Variants in PNPT1 observed in about 807,000 individuals in gnomAD.
The protein encoded by PNPT1 is polyribonucleotide nucleotidyltransferase 1, mitochondrial.
PNPT1 carries 53 observed loss-of-function variants against 119.5 expected under a neutral mutation model. The ratio of observed to expected loss-of-function variants is 0.44; its 90% confidence interval spans 0.36 to 0.56. The LOEUF is 0.56. Ranked by LOEUF, PNPT1 falls within the 20% of genes least tolerant of loss-of-function variation. PNPT1 has a pLI of 0.00. For missense variants in PNPT1, 948 were observed against 938.5 expected, an observed-to-expected ratio of 1.01 and a Z score of -0.13; for synonymous variants, 357 against 322.1, an observed-to-expected ratio of 1.11 and a Z score of -1.16.
chr2:55,693,086 T>C (rs1340909677), intron 1 of PNPT1, among the ~76,000 whole-genome samples: 36 of 152,224 alleles, frequency 2.4e-4, no homozygotes, highest in Admixed American at 2.4e-3. Context: ...TTACCATCTC[T>C]GCCTTCCTCT....
chr2:55,682,605 A>G (rs924212692), intron 5 of PNPT1, among the ~76,000 whole-genome samples: 1 of 152,090 alleles, frequency 6.6e-6, no homozygotes, highest in Non-Finnish European at 1.5e-5. Context: ...TATGTCATGC[A>G]CTTCAGAAAA....
At chr2:55,654,874 G>C in intron 18 of PNPT1, 26 bp downstream of exon 18, 1 of 1,606,936 alleles carries the variant, frequency 6.2e-7, no homozygotes, top group Non-Finnish European at 8.5e-7. Context: ...AGCAATATCA[G>C]CAGTTTTGAG....
Position 55,636,391 on chromosome 2 carries a change from A to G in PNPT1, c.2198T>C (p.Val733Ala). The G allele has an allele frequency of 6.2e-7, 1 of 1,613,780 alleles. No individual in the cohort carries two copies. Among genetic ancestry groups the G allele is most frequent in the Non-Finnish European group, 8.5e-7 (1 of 1,179,876 alleles). Reference protein sequence around the residue: ...LGLEVGQEIQVKYFGRDPADG... With the variant: ...LGLEVGQEIQAKYFGRDPADG... ...GGCTGGGTCACGTCCAAAGTATTTC[A>G]CCTGTGTTAAAGAAACAGATCTTCC... Residue 733 changes from valine (V) to alanine (A), a missense_variant and splice_region_variant, in exon 28 of 28, where the codon GTG (valine) becomes GCG (alanine). Coordinates refer to ENST00000447944, the MANE Select transcript of PNPT1 (RefSeq NM_033109.5).
intron 25 of PNPT1, among the ~76,000 whole-genome samples, chr2:55,642,409 A>T (rs1695859448): frequency 6.6e-6 from 1 of 151,390 alleles, no homozygotes; most frequent in Admixed American, 6.6e-5. Context: ...GATCGAGACC[A>T]TCCTGGCTAA....
chr2:55,677,029 T>C (rs1353122745), intron 8 of PNPT1, among the ~76,000 whole-genome samples: 1 of 152,180 alleles, frequency 6.6e-6, no homozygotes, highest in Non-Finnish European at 1.5e-5. Context: ...AAATGCATAT[T>C]TGATGCATCT....
chr2:55,645,330 T>C lies in PNPT1; in HGVS notation c.1822+19A>G. The stretch of plus-strand genomic sequence containing the variant: ...TGAGCCACCGCGCCCAGCCGATCAC[T>C]AAAATTTTAATGTATTACCTACAAC... On this transcript the variant is annotated intron_variant, in intron 22 of 27. Coordinates refer to ENST00000447944, the MANE Select transcript of PNPT1 (RefSeq NM_033109.5). 4 of 1,575,030 alleles carry C rather than the reference T, an allele frequency of 2.5e-6. No homozygotes were observed. The highest frequency in any genetic ancestry group is 3.5e-6 in the Non-Finnish European group (4 of 1,147,858).
At position 55,643,140 on chromosome 2, in the gene PNPT1, TATATTACTTG is replaced by T; in HGVS notation, c.2069+8_2069+17del. 1 of 1,612,968 alleles carries T rather than the reference TATATTACTTG, an allele frequency of 6.2e-7. No homozygotes were observed. The highest frequency in any genetic ancestry group is 8.5e-7 in the Non-Finnish European group (1 of 1,178,926). ...AAAGAAAGGAAAATGCTCAGCATAG[TATATTACTTG>T]ATATTACCTGATTTCAGTTATTGTG... On this transcript the variant is annotated splice_region_variant and intron_variant, in intron 25 of 27. Coordinates refer to ENST00000447944, the MANE Select transcript of PNPT1 (RefSeq NM_033109.5).
At chr2:55,653,149 C>G (rs781675516) in intron 18 of PNPT1, among the ~76,000 whole-genome samples, 3 of 152,184 alleles carry the variant, frequency 2.0e-5, no homozygotes, top group Non-Finnish European at 4.4e-5. Flanking sequence ...TGCCTGGCCC[C>G]TTTCCTTTCT....
chr2:55,691,866 ATATATATATATATTTTTTTTT>A (rs374120579), intron 1 of PNPT1, among the ~76,000 whole-genome samples: 12,826 of 77,214 alleles, frequency 0.17, 941 homozygotes, highest in Admixed American at 0.24. Context: ...ATATATATAT[ATATATATATATATTTTTTTTT>A]TTTTTTTTTT....
At position 55,643,417 on chromosome 2, in the gene PNPT1, T is replaced by G; in HGVS notation, c.1915A>C (p.Ile639Leu). ...AACGTTTCTTCATCCACCTGACTAA[T>G]AGTTACACCTTTTAAAAACAAAATG... ...KKLQAETGVT[I>L]SQVDEETFSV... The change falls in exon 24 of 28, where the codon ATT becomes CTT. Residue 639 changes from isoleucine to leucine, a missense_variant. By Grantham distance (5) the Ile-to-Leu change is conservative (BLOSUM62 2). Coordinates refer to ENST00000447944, the MANE Select transcript of PNPT1 (RefSeq NM_033109.5). 6.2e-7 allele frequency: 1 copy of G among 1,613,732 alleles called. No individual in the cohort carries two copies. The highest frequency in any genetic ancestry group is 8.5e-7 in the Non-Finnish European group (1 of 1,179,940).
At chr2:55,671,404 A>T in intron 10 of PNPT1, 28 bp from the exon 11 acceptor site, 1 of 1,349,080 alleles carries the variant, frequency 7.4e-7, no homozygotes, top group South Asian at 1.4e-5. Context: ...TTCAGTTATT[A>T]CATATACATG....
At chr2:55,660,893 T>C (rs1696546345) in intron 14 of PNPT1, among the ~76,000 whole-genome samples, 1 of 151,976 alleles carries the variant, frequency 6.6e-6, no homozygotes, top group African/African-American at 2.4e-5. Context: ...ATCAGATACA[T>C]GGAAAACAAT....
At chr2:55,647,304 T>A (rs1204453719) in intron 19 of PNPT1, 43 bp downstream of exon 19, 1 of 1,411,354 alleles carries the variant, frequency 7.1e-7, no homozygotes. Flanking sequence ...TTATTTATTT[T>A]TAGTCTTCAT....
intron 7 of PNPT1, among the ~76,000 whole-genome samples, chr2:55,680,383 A>C (rs1697206922): frequency 6.6e-6 from 1 of 150,806 alleles, no homozygotes; most frequent in Non-Finnish European, 1.5e-5. Context: ...AAGTTACATT[A>C]ATTTCATCCT....
intron 3 of PNPT1, 108 bp downstream of exon 3, chr2:55,686,262 G>C: frequency 4.2e-6 from 4 of 945,328 alleles, no homozygotes; most frequent in Non-Finnish European, 6.2e-6. Context: ...AAAATTCTTT[G>C]TTGTGCAAGT....
chr2:55,688,635 G>C (rs1045841025), intron 1 of PNPT1, among the ~76,000 whole-genome samples: 3 of 152,174 alleles, frequency 2.0e-5, no homozygotes, highest in Middle Eastern at 3.4e-3. Flanking sequence ...CGAGGCAAGA[G>C]AACTGCTTGA....
chr2:55,660,114 A>G (rs750179713), intron 15 of PNPT1, 43 bp downstream of exon 15: 2 of 1,518,434 alleles, frequency 1.3e-6, no homozygotes, highest in South Asian at 2.5e-5. Flanking sequence ...ACAAAAATTT[A>G]TTAATTTATT....
At position 55,638,051 on chromosome 2, in the gene PNPT1, C is replaced by T. The variant is rs1378991836; in HGVS notation, c.2149-452G>A. On this transcript the variant is annotated intron_variant, in intron 26 of 27. Transcript: ENST00000447944. ...GCATGGTGGCTCACGGCTGTAATCCCAGAACTTTGGGAGGCTGGGGCAGGC... is the reference window on the plus strand; with the variant it reads ...GCATGGTGGCTCACGGCTGTAATCCTAGAACTTTGGGAGGCTGGGGCAGGC... 2.6e-5 allele frequency among the ~76,000 whole-genome samples: 4 copies of T among 151,164 alleles called. No individual in the cohort carries two copies. The South Asian group carries it at 6.3e-4, about 24-fold the overall frequency.
rs550967484 is a variant in PNPT1, at chr2:55,638,379, A to G, written c.2149-780T>C. Among the ~76,000 whole-genome samples the G allele has an allele frequency of 1.2e-3, 175 of 151,632 alleles. 1 individual carries two copies. The highest frequency in any genetic ancestry group is 4.1e-3 in the African/African-American group (169 of 41,354). On this transcript the variant is annotated intron_variant, in intron 26 of 27. Coordinates refer to ENST00000447944, the MANE Select transcript of PNPT1 (RefSeq NM_033109.5). ...TAAGAACATAAAAATTATCCAAAAC[A>G]GGCTGGGTACAGTGGCTCACACCTG...
Sources: gnomAD v4.1 joint callset for allele counts (sites outside exome capture counted in the v4.1 genomes callset) on GRCh38, gnomAD v4.1.1 for gene constraint, MANE v1.5 for transcripts, NCBI Gene and HGNC (gene_info 2026-07-23, HGNC 2026-07-21) for gene names.